The following NEDD4L variants were observed in gnomAD, a reference collection of about 807,000 sequenced individuals.
The protein encoded by NEDD4L is NEDD4 like E3 ubiquitin protein ligase.
A neutral mutation model predicts 148.9 loss-of-function variants in NEDD4L; 54 were observed. The ratio of observed to expected loss-of-function variants is 0.36; its 90% confidence interval spans 0.29 to 0.45. The LOEUF (loss-of-function observed/expected upper bound fraction) is 0.45. Among genes scored for constraint, NEDD4L ranks in the 20% least tolerant of loss-of-function variants. The pLI is 1.00. For synonymous variants in NEDD4L, 433 were observed against 440.7 expected, an observed-to-expected ratio of 0.98 and a Z score of 0.22; for missense variants, 856 against 1,233.8, an observed-to-expected ratio of 0.69 and a Z score of 4.59.
chr18:58,335,845 C>T, intron 13 of NEDD4L: 1 of 253,250 alleles, frequency 3.9e-6, no homozygotes, highest in Non-Finnish European at 7.8e-6. Flanking sequence ...TAAGTTTTTC[C>T]ATTTCATTAG....
At chr18:58,350,933 T>A (rs2043800890) in intron 17 of NEDD4L, 58 bp from the exon 18 acceptor site, 2 of 1,393,962 alleles carry the variant, frequency 1.4e-6, no homozygotes, top group East Asian at 5.0e-5. Context: ...TGCCTTTGAT[T>A]TCAGAACTCC....
chr18:58,314,831 T>C (rs564247568), intron 5 of NEDD4L, among the ~76,000 whole-genome samples: 28 of 152,328 alleles, frequency 1.8e-4, no homozygotes, highest in African/African-American at 6.7e-4. Flanking sequence ...ATTTTTTCAA[T>C]TATCTAAAAG....
chr18:58,297,306 A>T (rs187492200), intron 5 of NEDD4L, among the ~76,000 whole-genome samples: 1 of 152,186 alleles, frequency 6.6e-6, no homozygotes, highest in Non-Finnish European at 1.5e-5. Flanking sequence ...CAGCTTATGG[A>T]CGAGAGTGTC....
At chr18:58,395,157 A>C (rs2050322783) in intron 30 of NEDD4L, among the ~76,000 whole-genome samples, 1 of 152,172 alleles carries the variant, frequency 6.6e-6, no homozygotes. Context: ...CATGAACATG[A>C]GCTCTTACGT....
At chr18:58,123,941 T>C (rs1277689284) in intron 1 of NEDD4L, among the ~76,000 whole-genome samples, 1 of 152,176 alleles carries the variant, frequency 6.6e-6, no homozygotes, top group Non-Finnish European at 1.5e-5. Context: ...CATTATTCGT[T>C]TCTTCCTTTC....
chr18:58,315,956 C>G (rs1432442610), intron 5 of NEDD4L, 26 bp from the exon 6 acceptor site: 10 of 1,599,182 alleles, frequency 6.3e-6, no homozygotes, highest in Non-Finnish European at 8.6e-6. Context: ...AATGGAAACA[C>G]TAACTCTTTG....
chr18:58,255,616 A>G (rs1600295571), intron 5 of NEDD4L: 16 of 1,232,374 alleles, frequency 1.3e-5, no homozygotes, highest in Non-Finnish European at 1.6e-5. Context: ...CGCTTGCCCT[A>G]GCCCTCCTGG....
At chr18:58,149,360 A>G in intron 1 of NEDD4L, 1 of 1,421,424 alleles carries the variant, frequency 7.0e-7, no homozygotes, top group Non-Finnish European at 9.2e-7. Flanking sequence ...ACAACCGTGT[A>G]GACTGCTTTC....
Position 58,062,451 on chromosome 18 carries a change from T to C in NEDD4L, c.48+17743T>C, listed in dbSNP as rs544045997. The stretch of plus-strand genomic sequence containing the variant: ...GCAAACAGGGCCTCAAGTTTTATGT[T>C]GTGAGAAATAAATACTGAGTTTATG... On this transcript the variant is annotated intron_variant, in intron 1 of 30. Transcript: ENST00000400345. Among the ~76,000 whole-genome samples the C allele has an allele frequency of 1.7e-4, 26 of 152,266 alleles. 1 individual carries two copies. Among genetic ancestry groups the C allele is most frequent in the Admixed American group, 1.7e-3 (26 of 15,290 alleles).
intron 24 of NEDD4L, among the ~76,000 whole-genome samples, chr18:58,379,562 G>C (rs1379248519): frequency 6.6e-6 from 1 of 152,146 alleles, no homozygotes; most frequent in Non-Finnish European, 1.5e-5. Flanking sequence ...GCCTGGAGGC[G>C]AGCATTAGAG....
intron 1 of NEDD4L, among the ~76,000 whole-genome samples, chr18:58,124,995 TG>T (rs1318423220): frequency 6.6e-6 from 1 of 152,210 alleles, no homozygotes; most frequent in Admixed American, 6.5e-5. Context: ...GTCAGACTCC[TG>T]GGTTCAGGCA....
intron 2 of NEDD4L, among the ~76,000 whole-genome samples, chr18:58,231,327 CTG>C (rs1235114163): frequency 1.3e-5 from 2 of 150,300 alleles, no homozygotes; most frequent in Non-Finnish European, 3.0e-5. Flanking sequence ...AGTATTCAGA[CTG>C]TAGGAATTCA....
At chr18:58,162,786 G>A (rs183473026) in intron 1 of NEDD4L, among the ~76,000 whole-genome samples, 11 of 151,156 alleles carry the variant, frequency 7.3e-5, no homozygotes, top group East Asian at 5.9e-4. Context: ...TGTTGCAGCC[G>A]GGCGCAGTGG....
Position 58,349,608 on chromosome 18 carries a change from C to A in NEDD4L, c.1647C>A (p.Pro549=). The change falls in exon 17 of 31, where the codon CCC becomes CCA. Residue 549 remains proline (P), a synonymous_variant. Transcript: ENST00000400345. The part of the protein sequence containing the change: ...KTSLNPNDLG[P]LPPGWEERIH... Reference sequence around the variant, plus strand: ...CTTTAAACCCCAATGACCTTGGCCCCCTTCCTGTGAGTACACTGGAGACAC... The same window carrying A: ...CTTTAAACCCCAATGACCTTGGCCCACTTCCTGTGAGTACACTGGAGACAC... The A allele has an allele frequency of 1.9e-6, 3 of 1,613,340 alleles. No homozygotes were observed. The highest frequency in any genetic ancestry group is 2.5e-6 in the Non-Finnish European group (3 of 1,179,272).
rs747480177 is a variant in NEDD4L, at chr18:58,400,861, C to G, written c.*4592C>G. The G allele has an allele frequency of 6.6e-6, 1 of 152,128 alleles. No homozygotes were observed. Among genetic ancestry groups the G allele is most frequent in the East Asian group, 1.9e-4 (1 of 5,202 alleles). The allele number at this position is 152,128 out of a possible 1,614,324, so 9.4% of individuals were successfully genotyped here. On this transcript the variant is annotated 3_prime_UTR_variant, in exon 31 of 31. Transcript: ENST00000400345. ...CACGGTTTCCTTCATGTTAACTTTG[C>G]GTGACTTTGTTCTTCCTTTACTACT...
At chr18:58,123,174 AGAC>A (rs140880325) in intron 1 of NEDD4L, among the ~76,000 whole-genome samples, 1,792 of 152,284 alleles carry the variant, frequency 0.012, 34 homozygotes, top group African/African-American at 0.04. Flanking sequence ...TGGCCCTTGA[AGAC>A]ACCGCCAACC....
Position 58,083,751 on chromosome 18 carries a change from G to A in NEDD4L, c.48+39043G>A, listed in dbSNP as rs112762829. Among the ~76,000 whole-genome samples the A allele has an allele frequency of 6.2e-3, 949 of 152,250 alleles. 13 individuals are homozygous for A. Among genetic ancestry groups the A allele is most frequent in the African/African-American group, 0.022 (898 of 41,546 alleles). ...ATCAAATGTTCGTCAGCTGATGAGT[G>A]GATAAACAAAATGTGGTATATCCAT... On this transcript the variant is annotated intron_variant, in intron 1 of 30. Transcript: ENST00000400345.
In NEDD4L at chr18:58,341,530, C is replaced by A. The variant is rs1019204372; in HGVS notation, c.1258-148C>A. ...GAATGTGTTTCCCCATCCTTTCCCC[C>A]ATCATTATGTTTAATTATTTCCTCC... On this transcript the variant is annotated intron_variant, in intron 14 of 30. Coordinates refer to ENST00000400345, the MANE Select transcript of NEDD4L (RefSeq NM_001144967.3). The A allele has an allele frequency of 4.9e-6, 4 of 810,804 alleles. No homozygotes were observed. In the African/African-American group the frequency reaches 5.2e-5, roughly 11 times the overall value. 50.2% of individuals were successfully genotyped at this position (810,804 alleles called of 1,614,324 possible).
chr18:58,371,501 C>T (rs1471295995), intron 23 of NEDD4L: 3 of 152,300 alleles, frequency 2.0e-5, no homozygotes, highest in South Asian at 4.2e-4. Context: ...CACTGGGAAG[C>T]GCGTTTGTCC....
Sources: gnomAD v4.1 joint callset for allele counts (sites outside exome capture counted in the v4.1 genomes callset) on GRCh38, gnomAD v4.1.1 for gene constraint, MANE v1.5 for transcripts, NCBI Gene and HGNC (gene_info 2026-07-23, HGNC 2026-07-21) for gene names.